MEIKIN: variants seen among roughly 807,000 people sequenced by gnomAD.
MEIKIN encodes meiosis-specific kinetochore protein.
chr5:131,879,833 G>C (rs1439612383), intron 8 of MEIKIN, among the ~76,000 whole-genome samples: 1 of 152,044 alleles, frequency 6.6e-6, no homozygotes, highest in African/African-American at 2.4e-5. Context: ...TCCTCTCTCT[G>C]GACTCAATCC....
chr5:131,843,166 G>A (rs1039421354), intron 11 of MEIKIN, among the ~76,000 whole-genome samples: 1 of 152,276 alleles, frequency 6.6e-6, no homozygotes, highest in Non-Finnish European at 1.5e-5. Context: ...AGAGCAGCAA[G>A]GCCCTGGGCC....
At chr5:131,878,371 TC>T (rs765070926) in intron 9 of MEIKIN, among the ~76,000 whole-genome samples, 4 of 152,134 alleles carry the variant, frequency 2.6e-5, no homozygotes, top group Non-Finnish European at 5.9e-5. Flanking sequence ...ATCGAGTCCA[TC>T]CTGGCTAACA....
rs138550911 is a variant in MEIKIN at position 131,845,121 on chromosome 5, T to C, written c.975+6143A>G. 5.3e-3 allele frequency among the ~76,000 whole-genome samples: 798 copies of C among 151,510 alleles called. 12 individuals are homozygous for C. The highest frequency in any genetic ancestry group is 0.019 in the African/African-American group (778 of 41,258). The stretch of plus-strand genomic sequence containing the variant: ...TCATCTCTATTAAAAACACAAAAAA[T>C]TAGCCAGGCATGGTCGTGGGCACCT... On this transcript the variant is annotated intron_variant, in intron 11 of 12. Coordinates refer to ENST00000442687, the MANE Select transcript of MEIKIN (RefSeq NM_001303622.2).
At chr5:131,938,368 G>A (rs890383201) in intron 4 of MEIKIN, among the ~76,000 whole-genome samples, 15 of 151,952 alleles carry the variant, frequency 9.9e-5, no homozygotes, top group Middle Eastern at 3.4e-3. Flanking sequence ...GGGTTTCACC[G>A]TGTTGCCCAG....
rs1383093246 is a variant in MEIKIN, at chr5:131,807,107, T to C, written c.*129A>G. 2.5e-6 allele frequency: 1 copy of C among 394,398 alleles called. No homozygotes were observed. The highest frequency in any genetic ancestry group is 3.6e-5 in the East Asian group (1 of 27,888). 24.4% of individuals were successfully genotyped at this position (394,398 alleles called of 1,614,324 possible). A position where few individuals can be genotyped will look rare whatever the true frequency, so the allele number is the denominator to read the frequency against. On this transcript the variant is annotated 3_prime_UTR_variant, in exon 13 of 13. Coordinates refer to ENST00000442687, the MANE Select transcript of MEIKIN (RefSeq NM_001303622.2). Reference sequence around the variant, plus strand: ...CCTCAGTAGAATTTCAACATAGAGATATATCACAAATAACTGGAGAATTTT... The same window carrying C: ...CCTCAGTAGAATTTCAACATAGAGACATATCACAAATAACTGGAGAATTTT...
At chr5:131,924,672 G>GTT (rs201895613) in intron 5 of MEIKIN, among the ~76,000 whole-genome samples, 14 of 149,364 alleles carry the variant, frequency 9.4e-5, no homozygotes, top group Non-Finnish European at 3.0e-5. Context: ...CAATCAGGTT[G>GTT]TTTTTTTTGC....
chr5:131,847,379 A>T (rs532792794), intron 11 of MEIKIN, among the ~76,000 whole-genome samples: 3 of 152,248 alleles, frequency 2.0e-5, no homozygotes, highest in African/African-American at 7.2e-5. Flanking sequence ...ATAGTAACAA[A>T]AGAGAGCAGG....
At position 131,945,400 on chromosome 5, in the gene MEIKIN, CTGG is replaced by C; in HGVS notation, c.103_105del (p.Pro35del). 1 of 399,196 alleles carries C rather than the reference CTGG, an allele frequency of 2.5e-6. No individual in the cohort carries two copies. The highest frequency in any genetic ancestry group is 4.4e-6 in the Non-Finnish European group (1 of 226,182). The allele number at this position is 399,196 out of a possible 1,614,324, so 24.7% of individuals were successfully genotyped here. On this transcript the variant is annotated inframe_deletion and splice_region_variant, in exon 1 of 13. Transcript: ENST00000442687. ...CGGTGGGCGAGCCTTGAGCCTGTAC[CTGG>C]CGGGGCCTCGGCCTTCGCTGGAGAG... is the stretch of plus-strand genomic sequence containing the variant.
intron 3 of MEIKIN, among the ~76,000 whole-genome samples, 170 bp from the exon 4 acceptor site, chr5:131,942,865 AT>A (rs1172925892): frequency 6.6e-6 from 1 of 152,128 alleles, no homozygotes; most frequent in Non-Finnish European, 1.5e-5. Context: ...GATATTTAAT[AT>A]TAAACCTAAA....
intron 8 of MEIKIN, among the ~76,000 whole-genome samples, chr5:131,885,229 C>G (rs944488828): frequency 2.6e-5 from 4 of 151,920 alleles, no homozygotes; most frequent in Non-Finnish European, 5.9e-5. Context: ...TGGGTGAGAC[C>G]CAGTGCTGTG....
Position 131,909,734 on chromosome 5 carries a change from G to A in MEIKIN, c.703+2081C>T, listed in dbSNP as rs940339596. 2.6e-5 allele frequency among the ~76,000 whole-genome samples: 4 copies of A among 151,934 alleles called. No individual in the cohort carries two copies. In the South Asian group the frequency reaches 8.3e-4, roughly 31 times the overall value. ...AACTCTATAGGAAAAACAAAAATCTGATAATCCAATTAAAAATGAGCAAAA... is the reference window on the plus strand; with the variant it reads ...AACTCTATAGGAAAAACAAAAATCTAATAATCCAATTAAAAATGAGCAAAA... On this transcript the variant is annotated intron_variant, in intron 8 of 12. Transcript: ENST00000442687.
intron 5 of MEIKIN, among the ~76,000 whole-genome samples, chr5:131,933,147 G>T (rs149818665): frequency 6.6e-6 from 1 of 152,006 alleles, no homozygotes. Context: ...ATTCAAGCAG[G>T]GACTTGGCCT....
At chr5:131,827,135 C>A (rs1014375495) in intron 11 of MEIKIN, among the ~76,000 whole-genome samples, 1 of 152,120 alleles carries the variant, frequency 6.6e-6, no homozygotes, top group African/African-American at 2.4e-5. Flanking sequence ...CAGGCATGTG[C>A]CACAATGCCT....
rs529227850 is a variant in MEIKIN at position 131,812,252 on chromosome 5, A to AT, written c.1100-4995dup. ...AGTTGCATATAACTTTATATTGTTG[A>AT]TTTTCACTGCTATATAGCACTTGAA... On this transcript the variant is annotated intron_variant, in intron 12 of 12. Coordinates refer to ENST00000442687, the MANE Select transcript of MEIKIN (RefSeq NM_001303622.2). Among the ~76,000 whole-genome samples, 19 of 152,298 alleles carry AT rather than the reference A, an allele frequency of 1.2e-4. No homozygotes were observed. The South Asian group carries it at 3.9e-3, about 32-fold the overall frequency.
At chr5:131,903,734 A>G (rs1751197400) in intron 8 of MEIKIN, among the ~76,000 whole-genome samples, 1 of 152,202 alleles carries the variant, frequency 6.6e-6, no homozygotes. Context: ...ACAAACAAGT[A>G]TGCATAATAA....
At chr5:131,839,505 C>CT (rs1246544907) in intron 11 of MEIKIN, among the ~76,000 whole-genome samples, 2 of 152,210 alleles carry the variant, frequency 1.3e-5, no homozygotes, top group Non-Finnish European at 1.5e-5. Flanking sequence ...TTGAAGGTCT[C>CT]TAACAACTTG....
At chr5:131,934,861 T>C (rs538027938) in intron 4 of MEIKIN, among the ~76,000 whole-genome samples, 329 of 151,450 alleles carry the variant, frequency 2.2e-3, no homozygotes, top group African/African-American at 5.9e-3. Flanking sequence ...ATAGAGACCA[T>C]CCTGGCCAAC....
Position 131,942,670 on chromosome 5 carries a change from A to G in MEIKIN, c.314T>C (p.Val105Ala), listed in dbSNP as rs1367347710. 2.5e-6 allele frequency: 1 copy of G among 398,464 alleles called. No individual in the cohort carries two copies. The highest frequency in any genetic ancestry group is 3.6e-5 in the East Asian group (1 of 27,972). The allele number at this position is 398,464 out of a possible 1,614,324, so 24.7% of individuals were successfully genotyped here. The change falls in exon 4 of 13, where the codon GTT becomes GCT. Residue 105 changes from valine to alanine, a missense_variant. Transcript: ENST00000442687. ...TTCACTATTTGATGAACTACTATCA[A>G]CCTGGAGGTCATCAGTAACTGATTC... is the stretch of plus-strand genomic sequence containing the variant. ...LRESVTDDLQ[V>A]DSSSSNSELV...
Position 131,835,128 on chromosome 5 carries a change from T to A in MEIKIN, c.975+16136A>T, listed in dbSNP as rs1749779009. 2.6e-5 allele frequency among the ~76,000 whole-genome samples: 4 copies of A among 152,016 alleles called. No homozygotes were observed. The South Asian group carries it at 8.3e-4, about 31-fold the overall frequency. On this transcript the variant is annotated intron_variant, in intron 11 of 12. Transcript: ENST00000442687. Reference sequence around the variant, plus strand: ...CAATTCAGGTCCTTTGAGCATTTTTTAATCTAGCTATTTGGTTTTTTGCTA... The same window carrying A: ...CAATTCAGGTCCTTTGAGCATTTTTAAATCTAGCTATTTGGTTTTTTGCTA...
Sources: gnomAD v4.1 joint callset for allele counts (sites outside exome capture counted in the v4.1 genomes callset) on GRCh38, gnomAD v4.1.1 for gene constraint, MANE v1.5 for transcripts, NCBI Gene and HGNC (gene_info 2026-07-23, HGNC 2026-07-21) for gene names.